Variants in EMB observed in about 807,000 individuals in gnomAD.
EMB encodes embigin.
Under a neutral mutation model 41.4 loss-of-function variants are expected in EMB, and 31 were observed. That is an observed-to-expected ratio of 0.75 (90% CI 0.56 to 1.01). EMB has a LOEUF of 1.01. Among genes scored for constraint, EMB ranks in the 50% least tolerant of loss-of-function variants. The pLI is 0.00. For synonymous variants in EMB, 137 were observed against 140.4 expected (o/e 0.98, Z 0.17); for missense variants, 379 against 388.3 (o/e 0.98, Z 0.20).
chr5:50,406,353 G>A (rs942228746), intron 4 of EMB, among the ~76,000 whole-genome samples: 12 of 151,762 alleles, frequency 7.9e-5, no homozygotes, highest in Non-Finnish European at 1.8e-4. Context: ...AAAATTAACA[G>A]AAAGAGAACA....
At chr5:50,423,655 T>C (rs1178466796) in intron 2 of EMB, among the ~76,000 whole-genome samples, 2 of 151,486 alleles carry the variant, frequency 1.3e-5, no homozygotes, top group South Asian at 2.1e-4. Context: ...CCACAGAGGG[T>C]TTTTCATTGC....
chr5:50,401,210 G>C (rs1486179257), intron 7 of EMB, among the ~76,000 whole-genome samples: 1 of 151,930 alleles, frequency 6.6e-6, no homozygotes, highest in Non-Finnish European at 1.5e-5. Flanking sequence ...TGGTGTTATA[G>C]GATTTCTGAT....
At chr5:50,404,276 T>C (rs917217707) in intron 5 of EMB, among the ~76,000 whole-genome samples, 1 of 151,982 alleles carries the variant, frequency 6.6e-6, no homozygotes, top group African/African-American at 2.4e-5. Context: ...GTGAGTATAT[T>C]ATTCGTGCAA....
At position 50,402,269 on chromosome 5, in the gene EMB, T is replaced by TA. The variant is rs1745174801; in HGVS notation, c.911+16dup. On this transcript the variant is annotated intron_variant, in intron 7 of 8. Coordinates refer to ENST00000303221, the MANE Select transcript of EMB (RefSeq NM_198449.3). Reference sequence around the variant, plus strand: ...TTTTACCCAAGTGAAAATTAATCTGTAAAAAATAATACTTACAGCTGTTCA... The same window carrying TA: ...TTTTACCCAAGTGAAAATTAATCTGTAAAAAAATAATACTTACAGCTGTTCA... 6.2e-7 allele frequency: 1 copy of TA among 1,606,320 alleles called. No individual in the cohort carries two copies. The highest frequency in any genetic ancestry group is 1.7e-5 in the Admixed American group (1 of 59,692).
At chr5:50,421,995 T>C (rs1314004232) in intron 2 of EMB, among the ~76,000 whole-genome samples, 1 of 151,862 alleles carries the variant, frequency 6.6e-6, no homozygotes, top group East Asian at 1.9e-4. Context: ...TGTATACATA[T>C]GTAACAAATC....
intron 8 of EMB, 75 bp downstream of exon 8, chr5:50,399,784 A>AT (rs1431435289): frequency 4.1e-6 from 5 of 1,214,832 alleles, no homozygotes; most frequent in Non-Finnish European, 5.9e-6. Flanking sequence ...ACTAAAAAAA[A>AT]GTAACTGATT....
At chr5:50,441,701 A>G (rs1181918797), upstream of EMB, among the ~76,000 whole-genome samples, 2 of 152,168 alleles carry the variant, frequency 1.3e-5, no homozygotes, top group African/African-American at 2.4e-5. Flanking sequence ...ACTTGTGTTA[A>G]TCTTTCTTTG....
intron 2 of EMB, among the ~76,000 whole-genome samples, chr5:50,419,118 T>C (rs1241134358): frequency 3.9e-5 from 6 of 152,212 alleles, no homozygotes; most frequent in South Asian, 2.1e-4. Flanking sequence ...CAGGCTGAGG[T>C]AGCAGTCCAG....
At chr5:50,440,197 T>G (rs1421503750) in intron 1 of EMB, among the ~76,000 whole-genome samples, 8 of 152,048 alleles carry the variant, frequency 5.3e-5, no homozygotes, top group Admixed American at 5.2e-4. Context: ...GGATCTTTGG[T>G]TGGCTAGTTG....
chr5:50,401,752 C>T (rs1745165929), intron 7 of EMB, among the ~76,000 whole-genome samples: 2 of 151,922 alleles, frequency 1.3e-5, no homozygotes, highest in Non-Finnish European at 2.9e-5. Context: ...CAGTGATTTT[C>T]AACAGACAGA....
intron 7 of EMB, among the ~76,000 whole-genome samples, chr5:50,402,041 G>T (rs781658699): frequency 6.6e-6 from 1 of 151,870 alleles, no homozygotes; most frequent in Non-Finnish European, 1.5e-5. Flanking sequence ...CATATGGTGA[G>T]TACTATTATT....
chr5:50,435,816 A>G (rs547814635), intron 1 of EMB, among the ~76,000 whole-genome samples: 96 of 152,298 alleles, frequency 6.3e-4, no homozygotes, highest in African/African-American at 2.3e-3. Flanking sequence ...GAATCCCCAT[A>G]TTATTAAATG....
In EMB at chr5:50,397,416, T is replaced by A. The variant is rs1745087247; in HGVS notation, c.*1857A>T. The stretch of plus-strand genomic sequence containing the variant: ...AAAAACTCCATTTACTATAGAAATA[T>A]TCCTGATTATTTTACCTTTGGGAAG... On this transcript the variant is annotated 3_prime_UTR_variant, in exon 9 of 9. Transcript: ENST00000303221. 6.6e-6 allele frequency: 1 copy of A among 152,154 alleles called. No homozygotes were observed. The highest frequency in any genetic ancestry group is 2.4e-5 in the African/African-American group (1 of 41,440). 9.4% of individuals were successfully genotyped at this position (152,154 alleles called of 1,614,324 possible).
chr5:50,411,407 A>G, intron 2 of EMB, 24 bp from the exon 3 acceptor site: 1 of 1,514,440 alleles, frequency 6.6e-7, no homozygotes, highest in Non-Finnish European at 8.9e-7. Flanking sequence ...AGAGGACAAA[A>G]TGTGAAAGTT....
At chr5:50,438,566 T>C (rs1745843827) in intron 1 of EMB, among the ~76,000 whole-genome samples, 1 of 152,354 alleles carries the variant, frequency 6.6e-6, no homozygotes, top group Admixed American at 6.5e-5. Context: ...CTCAAAGTCT[T>C]AGGTTAACAG....
intron 2 of EMB, among the ~76,000 whole-genome samples, chr5:50,418,204 C>G (rs1192386115): frequency 1.3e-5 from 2 of 152,198 alleles, no homozygotes; most frequent in African/African-American, 4.8e-5. Flanking sequence ...TACAGGAAAA[C>G]TATAGTAAAT....
chr5:50,433,470 AAAAAT>A (rs1259472997), intron 1 of EMB, among the ~76,000 whole-genome samples: 3 of 152,224 alleles, frequency 2.0e-5, no homozygotes, highest in African/African-American at 4.8e-5. Flanking sequence ...AAACTTATTA[AAAAAT>A]AAAACCCCGA....
At chr5:50,438,314 G>C (rs888016912) in intron 1 of EMB, among the ~76,000 whole-genome samples, 1 of 152,212 alleles carries the variant, frequency 6.6e-6, no homozygotes, top group African/African-American at 2.4e-5. Context: ...AGTGAGCCGT[G>C]AATGTGCCTC....
At position 50,411,390 on chromosome 5, in the gene EMB, G is replaced by A; in HGVS notation, c.197-7C>T. On this transcript the variant is annotated splice_region_variant and splice_polypyrimidine_tract_variant and intron_variant, in intron 2 of 8. Coordinates refer to ENST00000303221, the MANE Select transcript of EMB (RefSeq NM_198449.3). ...ACTGGCATACTAGAATGTTCTATTAGCACAAAAGAGGACAAAATGTGAAAG... is the reference window on the plus strand; with the variant it reads ...ACTGGCATACTAGAATGTTCTATTAACACAAAAGAGGACAAAATGTGAAAG... The A allele has an allele frequency of 6.4e-7, 1 of 1,556,424 alleles. No homozygotes were observed. The highest frequency in any genetic ancestry group is 8.7e-7 in the Non-Finnish European group (1 of 1,147,348).
Sources: gnomAD v4.1 joint callset for allele counts (sites outside exome capture counted in the v4.1 genomes callset) on GRCh38, gnomAD v4.1.1 for gene constraint, MANE v1.5 for transcripts, NCBI Gene and HGNC (gene_info 2026-07-23, HGNC 2026-07-21) for gene names.